The following THSD7A variants were observed in gnomAD, a reference collection of about 807,000 sequenced individuals.
THSD7A encodes the protein thrombospondin type 1 domain containing 7A, also known as thrombospondin type-1 domain-containing protein 7A.
THSD7A carries 96 observed loss-of-function variants against 231.3 expected under a neutral mutation model. The observed-to-expected ratio is 0.41, with a 90% CI of 0.35 to 0.49. The LOEUF (loss-of-function observed/expected upper bound fraction) is 0.49, where lower values mean the gene tolerates loss of function less well. Among genes scored for constraint, THSD7A ranks in the 20% least tolerant of loss-of-function variants. The probability of loss-of-function intolerance (pLI) is 0.05; values close to 1 mark genes in which losing one functional copy is unlikely to be tolerated. For synonymous variants in THSD7A, 940 were observed against 743.3 expected (o/e 1.26, Z -4.30); for missense variants, 2,290 against 2,070.2 (o/e 1.11, Z -2.06).
chr7:11,738,930 G>A (rs1191630959), intron 1 of THSD7A, among the ~76,000 whole-genome samples: 3 of 151,940 alleles, frequency 2.0e-5, no homozygotes, highest in African/African-American at 7.2e-5. Context: ...GTTCTTTTAA[G>A]CCACTAAATT....
intron 6 of THSD7A, among the ~76,000 whole-genome samples, chr7:11,539,596 G>GT (rs955260271): frequency 1.6e-4 from 24 of 152,154 alleles, no homozygotes; most frequent in African/African-American, 5.5e-4. Context: ...GTTTTTTAGT[G>GT]TTTTTTCACA....
At position 11,770,857 on chromosome 7, in the gene THSD7A, G is replaced by T. The variant is rs375545608; in HGVS notation, c.190+60900C>A. Among the ~76,000 whole-genome samples, 57 of 151,984 alleles carry T rather than the reference G, an allele frequency of 3.8e-4. 1 individual carries two copies. The East Asian group carries it at 5.6e-3, about 15-fold the overall frequency. On this transcript the variant is annotated intron_variant, in intron 1 of 27. Transcript: ENST00000423059. ...GAAGTATTTATGGTAAGTAAAAAGA[G>T]AAATCTTTTCAATGTATTTTACTTT...
At chr7:11,482,133 C>G (rs1786453789) in intron 6 of THSD7A, among the ~76,000 whole-genome samples, 151 bp from the exon 7 acceptor site, 1 of 152,118 alleles carries the variant, frequency 6.6e-6, no homozygotes, top group Admixed American at 6.5e-5. Flanking sequence ...CTACTATAGC[C>G]AGATGTTAAT....
chr7:11,601,082 CA>C (rs1322379074), intron 2 of THSD7A, among the ~76,000 whole-genome samples: 5 of 152,172 alleles, frequency 3.3e-5, no homozygotes, highest in Non-Finnish European at 7.4e-5. Flanking sequence ...GAAAGTCATG[CA>C]AAATAATGAC....
intron 1 of THSD7A, chr7:11,820,861 C>T (rs1784853747): frequency 2.1e-6 from 2 of 930,330 alleles, no homozygotes; most frequent in Admixed American, 3.9e-5. Context: ...TCTGTTTTCT[C>T]AGCTGACCTT....
At chr7:11,445,715 C>T (rs1784945672) in intron 13 of THSD7A, among the ~76,000 whole-genome samples, 2 of 152,010 alleles carry the variant, frequency 1.3e-5, no homozygotes, top group African/African-American at 4.8e-5. Flanking sequence ...TTACTCCCTT[C>T]CTGTGCACAG....
intron 2 of THSD7A, among the ~76,000 whole-genome samples, chr7:11,623,284 G>C (rs1319647619): frequency 6.6e-6 from 1 of 152,096 alleles, no homozygotes; most frequent in Non-Finnish European, 1.5e-5. Context: ...TTCCCACTTA[G>C]GGCGGAACTA....
chr7:11,674,589 C>T (rs1041874314), intron 1 of THSD7A, among the ~76,000 whole-genome samples: 4 of 152,150 alleles, frequency 2.6e-5, no homozygotes, highest in African/African-American at 9.7e-5. Context: ...CTGTACAGAG[C>T]CTTGGCCCTC....
intron 2 of THSD7A, among the ~76,000 whole-genome samples, chr7:11,629,038 G>C (rs986182033): frequency 6.6e-6 from 1 of 152,220 alleles, no homozygotes; most frequent in African/African-American, 2.4e-5. Context: ...TAGACCTAGA[G>C]CTGGGGAGAG....
At chr7:11,604,002 C>A (rs1780649364) in intron 2 of THSD7A, among the ~76,000 whole-genome samples, 2 of 149,292 alleles carry the variant, frequency 1.3e-5, no homozygotes, top group African/African-American at 5.0e-5. Context: ...ACAATGTGCA[C>A]ATGTACCCTA....
intron 23 of THSD7A, chr7:11,385,523 T>C (rs1782696118): frequency 6.6e-6 from 1 of 152,150 alleles, no homozygotes; most frequent in African/African-American, 2.4e-5. Flanking sequence ...CCTTTTAATG[T>C]GTATAAAAAA....
chr7:11,807,453 C>A (rs1462437532), intron 1 of THSD7A, among the ~76,000 whole-genome samples: 1 of 151,840 alleles, frequency 6.6e-6, no homozygotes, highest in Non-Finnish European at 1.5e-5. Flanking sequence ...CAAGTAAAAC[C>A]CTGCTTTCTT....
At chr7:11,803,151 C>T (rs1318274281) in intron 1 of THSD7A, among the ~76,000 whole-genome samples, 1 of 152,076 alleles carries the variant, frequency 6.6e-6, no homozygotes, top group Non-Finnish European at 1.5e-5. Flanking sequence ...GGGACTTTTT[C>T]AACAGGCAGC....
At chr7:11,768,452 G>A (rs936522916) in intron 1 of THSD7A, among the ~76,000 whole-genome samples, 1 of 152,108 alleles carries the variant, frequency 6.6e-6, no homozygotes, top group East Asian at 1.9e-4. Flanking sequence ...TCTAGGAGTC[G>A]ACAGAGATAG....
chr7:11,691,741 G>T (rs1296073153), intron 1 of THSD7A, among the ~76,000 whole-genome samples: 2 of 150,940 alleles, frequency 1.3e-5, no homozygotes, highest in African/African-American at 4.9e-5. Flanking sequence ...TAATTACATT[G>T]AATTATTAAG....
rs1303215741 is a variant in THSD7A at position 11,455,666 on chromosome 7, A to G, written c.2605+4996T>C. On this transcript the variant is annotated intron_variant, in intron 11 of 27. Transcript: ENST00000423059. Reference sequence around the variant, plus strand: ...AAAACTTTTCATATAGTTTTGACATATATAAAATATAGATTTTATCAAGAC... The same window carrying G: ...AAAACTTTTCATATAGTTTTGACATGTATAAAATATAGATTTTATCAAGAC... 2.0e-5 allele frequency among the ~76,000 whole-genome samples: 3 copies of G among 152,076 alleles called. No homozygotes were observed. The East Asian group carries it at 5.8e-4, about 29-fold the overall frequency.
chr7:11,761,481 T>C (rs1236439409), intron 1 of THSD7A, among the ~76,000 whole-genome samples: 1 of 152,120 alleles, frequency 6.6e-6, no homozygotes, highest in Admixed American at 6.6e-5. Flanking sequence ...TCATTATATG[T>C]ATGTATATGT....
At chr7:11,813,022 T>C (rs373577850) in intron 1 of THSD7A, among the ~76,000 whole-genome samples, 2 of 152,308 alleles carry the variant, frequency 1.3e-5, no homozygotes, top group South Asian at 2.1e-4. Context: ...GGAAGTATTG[T>C]TATTCCATCC....
At chr7:11,654,464 T>G (rs903885639) in intron 1 of THSD7A, among the ~76,000 whole-genome samples, 2 of 152,012 alleles carry the variant, frequency 1.3e-5, no homozygotes, top group Non-Finnish European at 2.9e-5. Flanking sequence ...ACATTTTATC[T>G]CTAACTAGAA....
Sources: allele counts gnomAD v4.1 joint callset (sites outside exome capture counted in the v4.1 genomes callset), GRCh38; gene constraint gnomAD v4.1.1; transcripts MANE v1.5; gene names NCBI Gene and HGNC (gene_info 2026-07-23, HGNC 2026-07-21).